Variants in WWOX observed in about 807,000 individuals in gnomAD.
The protein encoded by WWOX is WW domain containing oxidoreductase.
WWOX carries 69 observed loss-of-function variants against 46.2 expected under a neutral mutation model. That is an observed-to-expected ratio of 1.49 (90% CI 1.23 to 1.82). The LOEUF (loss-of-function observed/expected upper bound fraction) is 1.82. Ranked by LOEUF, WWOX falls within the 40% of genes most tolerant of loss-of-function variation. WWOX has a pLI of 0.00. For missense variants in WWOX, 919 were observed against 542.6 expected, an observed-to-expected ratio of 1.69 and a Z score of -6.89; for synonymous variants, 359 against 202.6, an observed-to-expected ratio of 1.77 and a Z score of -6.56.
At chr16:78,705,418 G>C (rs187796203) in intron 8 of WWOX, among the ~76,000 whole-genome samples, 490 of 152,320 alleles carry the variant, frequency 3.2e-3, no homozygotes, top group Non-Finnish European at 4.8e-3. Context: ...CAAGGCGAAA[G>C]TGGCTGTAAA....
At chr16:78,711,546 A>T (rs2048445083) in intron 8 of WWOX, among the ~76,000 whole-genome samples, 1 of 152,204 alleles carries the variant, frequency 6.6e-6, no homozygotes, top group Non-Finnish European at 1.5e-5. Context: ...AGCCGCAAAG[A>T]TTGTGGTGAT....
rs118054166 is a variant in WWOX, at chr16:78,904,195, G to C, written c.1057-307413G>C. On this transcript the variant is annotated intron_variant, in intron 8 of 8. Coordinates refer to ENST00000566780, the MANE Select transcript of WWOX (RefSeq NM_016373.4). The stretch of plus-strand genomic sequence containing the variant: ...TTAAAGCAGAAGTTAGCAGTTACAG[G>C]TGCTTGTGATGTCATCACTTAGATG... Among the ~76,000 whole-genome samples, 570 of 150,572 alleles carry C rather than the reference G, an allele frequency of 3.8e-3. 2 individuals are homozygous for C. Among genetic ancestry groups the C allele is most frequent in the South Asian group, 0.011 (54 of 4,762 alleles).
chr16:78,840,870 G>T (rs2052122769), intron 8 of WWOX, among the ~76,000 whole-genome samples: 1 of 151,898 alleles, frequency 6.6e-6, no homozygotes, highest in Non-Finnish European at 1.5e-5. Flanking sequence ...CTGCCTTGTT[G>T]GTCCAGGTAA....
At chr16:78,917,023 C>G (rs1008178413) in intron 8 of WWOX, among the ~76,000 whole-genome samples, 4 of 152,200 alleles carry the variant, frequency 2.6e-5, no homozygotes, top group African/African-American at 7.2e-5. Context: ...CAAGCTCACT[C>G]CTTGGGTCTT....
chr16:79,013,474 A>G (rs1425557050), intron 8 of WWOX, among the ~76,000 whole-genome samples: 2 of 151,996 alleles, frequency 1.3e-5, no homozygotes, highest in Non-Finnish European at 2.9e-5. Context: ...TGCTCTTCTA[A>G]GAGTAAAACG....
chr16:78,700,673 T>C (rs1300446885), intron 8 of WWOX, among the ~76,000 whole-genome samples: 1 of 152,158 alleles, frequency 6.6e-6, no homozygotes, highest in African/African-American at 2.4e-5. Context: ...ATCGTGTGTC[T>C]TGTGGCATTC....
chr16:78,749,541 G>C (rs1054966804), intron 8 of WWOX, among the ~76,000 whole-genome samples: 1 of 152,026 alleles, frequency 6.6e-6, no homozygotes, highest in African/African-American at 2.4e-5. Context: ...TTTACCCTAG[G>C]GCTATGCAAA....
At chr16:78,931,010 A>T (rs774607255) in intron 8 of WWOX, among the ~76,000 whole-genome samples, 8 of 152,190 alleles carry the variant, frequency 5.3e-5, no homozygotes, top group Non-Finnish European at 1.2e-4. Context: ...GGATAGCAAT[A>T]TCTATCTCCT....
chr16:78,278,605 A>C, intron 5 of WWOX: 1 of 1,610,034 alleles, frequency 6.2e-7, no homozygotes. Flanking sequence ...TCTTACAGAA[A>C]ACAAAATACC....
At chr16:78,186,509 A>G (rs151168284) in intron 5 of WWOX, among the ~76,000 whole-genome samples, 37 of 152,342 alleles carry the variant, frequency 2.4e-4, no homozygotes, top group African/African-American at 8.7e-4. Context: ...CATGCCTGTA[A>G]TGTCAGCACT....
intron 8 of WWOX, among the ~76,000 whole-genome samples, chr16:78,948,465 C>G (rs1475453392): frequency 1.3e-5 from 2 of 152,146 alleles, no homozygotes; most frequent in Non-Finnish European, 2.9e-5. Flanking sequence ...CTGTCTCTTG[C>G]GGCATTTCTG....
At chr16:78,851,017 A>T (rs992419612) in intron 8 of WWOX, among the ~76,000 whole-genome samples, 15 of 152,142 alleles carry the variant, frequency 9.9e-5, no homozygotes, top group African/African-American at 3.4e-4. Context: ...CCTAGAGATA[A>T]ATTTTTTAAT....
intron 5 of WWOX, among the ~76,000 whole-genome samples, chr16:78,209,922 C>T (rs921898016): frequency 4.6e-5 from 7 of 151,894 alleles, no homozygotes; most frequent in Admixed American, 3.3e-4. Context: ...TAATTTTCTT[C>T]GTTCTTTCTG....
chr16:78,802,173 G>C (rs1219574799), intron 8 of WWOX, among the ~76,000 whole-genome samples: 1 of 150,528 alleles, frequency 6.6e-6, no homozygotes, highest in Non-Finnish European at 1.5e-5. Flanking sequence ...CACAAAGAGC[G>C]AAGTTTGTTT....
chr16:79,070,947 G>A (rs1270735824), intron 8 of WWOX, among the ~76,000 whole-genome samples: 1 of 152,186 alleles, frequency 6.6e-6, no homozygotes, highest in African/African-American at 2.4e-5. Context: ...TTCCAGGGCA[G>A]GTGGTTTCTT....
At chr16:78,321,338 GTATATATATACGTATATATGCGTA>G (rs1567499146) in intron 5 of WWOX, among the ~76,000 whole-genome samples, 4 of 51,434 alleles carry the variant, frequency 7.8e-5, no homozygotes, top group African/African-American at 3.3e-4. Flanking sequence ...GTATATATGC[GTATATATATACGTATATATGCGTA>G]TATATATACG....
chr16:78,456,122 T>G (rs556074948), intron 8 of WWOX, among the ~76,000 whole-genome samples: 32 of 152,332 alleles, frequency 2.1e-4, no homozygotes, highest in Non-Finnish European at 3.8e-4. Flanking sequence ...TGCAACGGAC[T>G]GAAGTGCCCA....
chr16:78,824,063 T>A (rs370668910), intron 8 of WWOX, among the ~76,000 whole-genome samples: 215 of 152,308 alleles, frequency 1.4e-3, no homozygotes, highest in African/African-American at 5.1e-3. Context: ...AGCCTCTGAA[T>A]CCAAATTTTA....
chr16:79,005,483 G>A (rs1245261576), intron 8 of WWOX, among the ~76,000 whole-genome samples: 3 of 152,150 alleles, frequency 2.0e-5, no homozygotes, highest in East Asian at 1.9e-4. Flanking sequence ...TTTGCAAGTC[G>A]AGGTTTCGGC....
Sources: allele counts gnomAD v4.1 joint callset (sites outside exome capture counted in the v4.1 genomes callset), GRCh38; gene constraint gnomAD v4.1.1; transcripts MANE v1.5; gene names NCBI Gene and HGNC (gene_info 2026-07-23, HGNC 2026-07-21).